Variants in LSAMP observed in about 807,000 individuals in gnomAD.
LSAMP encodes limbic system-associated membrane protein.
LSAMP carries 7 observed loss-of-function variants against 38.6 expected under a neutral mutation model. The observed-to-expected ratio is 0.18, with a 90% CI of 0.10 to 0.34. The LOEUF (loss-of-function observed/expected upper bound fraction) is 0.34, where lower values mean the gene tolerates loss of function less well. Ranked by LOEUF, LSAMP falls within the 10% of genes least tolerant of loss-of-function variation. The pLI, the probability that LSAMP is intolerant of heterozygous loss-of-function variation, is 1.00. For missense variants in LSAMP, 313 were observed against 420.0 expected (o/e 0.75, Z 2.23); for synonymous variants, 154 against 166.8 (o/e 0.92, Z 0.59).
At chr3:115,827,350 T>C (rs979790533) in intron 6 of LSAMP, among the ~76,000 whole-genome samples, 1 of 151,934 alleles carries the variant, frequency 6.6e-6, no homozygotes, top group Non-Finnish European at 1.5e-5. Context: ...TTTTTTTTTT[T>C]TTCTACAGGA....
At chr3:116,293,605 A>C (rs758245853) in intron 1 of LSAMP, among the ~76,000 whole-genome samples, 1 of 152,172 alleles carries the variant, frequency 6.6e-6, no homozygotes, top group Non-Finnish European at 1.5e-5. Context: ...TTGAGTTAGG[A>C]AAATGAGGGC....
chr3:116,049,122 C>T (rs913963065), intron 2 of LSAMP, among the ~76,000 whole-genome samples: 13 of 152,150 alleles, frequency 8.5e-5, no homozygotes, highest in Admixed American at 2.0e-4. Flanking sequence ...AAATGCTCAA[C>T]CAGAGCTTGA....
At chr3:116,005,747 G>A (rs1940139401) in intron 3 of LSAMP, among the ~76,000 whole-genome samples, 1 of 152,164 alleles carries the variant, frequency 6.6e-6, no homozygotes, top group African/African-American at 2.4e-5. Context: ...TTTCAGGCTG[G>A]CCTTGGTATG....
At chr3:116,292,327 C>T (rs904880813) in intron 1 of LSAMP, among the ~76,000 whole-genome samples, 1 of 152,130 alleles carries the variant, frequency 6.6e-6, no homozygotes, top group Non-Finnish European at 1.5e-5. Flanking sequence ...TGATTCCAGC[C>T]ATAACTTCTC....
At chr3:115,858,964 T>G (rs1378778384) in intron 3 of LSAMP, among the ~76,000 whole-genome samples, 1 of 152,246 alleles carries the variant, frequency 6.6e-6, no homozygotes, top group Non-Finnish European at 1.5e-5. Context: ...TTCCTGTTTT[T>G]GCTTTCTTCC....
intron 1 of LSAMP, among the ~76,000 whole-genome samples, chr3:116,419,368 G>A (rs555129479): frequency 5.9e-5 from 9 of 152,164 alleles, no homozygotes; most frequent in East Asian, 3.9e-4. Context: ...ATCATTTACC[G>A]ATTTCATTTG....
At chr3:116,318,882 C>T (rs1056991071) in intron 1 of LSAMP, among the ~76,000 whole-genome samples, 4 of 151,908 alleles carry the variant, frequency 2.6e-5, no homozygotes, top group African/African-American at 4.8e-5. Flanking sequence ...GAACTCCCAA[C>T]CTCTATTCTA....
intron 6 of LSAMP, among the ~76,000 whole-genome samples, chr3:115,822,340 T>TTCTTTCTC (rs1460074697): frequency 6.7e-6 from 1 of 149,936 alleles, no homozygotes; most frequent in Non-Finnish European, 1.5e-5. Flanking sequence ...TCTTTCTTTC[T>TTCTTTCTC]TCTTTCTCTC....
intron 1 of LSAMP, among the ~76,000 whole-genome samples, chr3:116,136,490 G>A (rs1459021208): frequency 1.1e-4 from 17 of 152,144 alleles, no homozygotes; most frequent in Admixed American, 5.2e-4. Context: ...TTATTAATTC[G>A]CTTGTGTATT....
intron 3 of LSAMP, among the ~76,000 whole-genome samples, chr3:115,949,100 T>C (rs1938199506): frequency 6.6e-6 from 1 of 151,948 alleles, no homozygotes; most frequent in Non-Finnish European, 1.5e-5. Context: ...AAACCCTGTC[T>C]CTACAAAAAT....
At chr3:115,902,890 G>A (rs931802734) in intron 3 of LSAMP, among the ~76,000 whole-genome samples, 3 of 152,116 alleles carry the variant, frequency 2.0e-5, no homozygotes, top group African/African-American at 4.8e-5. Flanking sequence ...ATGAACTGTT[G>A]GTAGGAGTGT....
intron 1 of LSAMP, among the ~76,000 whole-genome samples, chr3:116,110,161 G>A (rs1020579243): frequency 2.0e-5 from 3 of 152,000 alleles, no homozygotes; most frequent in Non-Finnish European, 4.4e-5. Flanking sequence ...AAGCAGAGAA[G>A]GGGTAGAGAC....
intron 3 of LSAMP, among the ~76,000 whole-genome samples, chr3:115,866,818 CTTAA>C (rs1196554565): frequency 2.0e-5 from 3 of 151,996 alleles, no homozygotes; most frequent in Admixed American, 2.0e-4. Flanking sequence ...AACTTTAAAG[CTTAA>C]TTATTTTCCC....
rs1933681168 is a variant in LSAMP at position 115,808,133 on chromosome 3, C to CCTCA, written c.*2183_*2184insTGAG. 1 of 81,090 alleles carries CCTCA rather than the reference C, an allele frequency of 1.2e-5. No individual in the cohort carries two copies. The highest frequency in any genetic ancestry group is 1.2e-4 in the Admixed American group (1 of 8,184). The allele number at this position is 81,090 out of a possible 1,614,324, so 5.0% of individuals were successfully genotyped here. On this transcript the variant is annotated 3_prime_UTR_variant, in exon 7 of 7. Coordinates refer to ENST00000490035, the MANE Select transcript of LSAMP (RefSeq NM_002338.5). ...TCCTCCCTCCCTCCCTCCCTCCCTC[C>CCTCA]CTCCCTCCCTCCCTCCCCCCCTTCC...
At chr3:116,427,278 G>T (rs1358697779) in intron 1 of LSAMP, among the ~76,000 whole-genome samples, 1 of 151,130 alleles carries the variant, frequency 6.6e-6, no homozygotes, top group Non-Finnish European at 1.5e-5. Context: ...CCACCACCGC[G>T]CCCGGCTAAT....
At chr3:115,926,975 T>A (rs1937510769) in intron 3 of LSAMP, among the ~76,000 whole-genome samples, 1 of 152,236 alleles carries the variant, frequency 6.6e-6, no homozygotes, top group African/African-American at 2.4e-5. Context: ...CTTCGCTGCA[T>A]ATTCAGTGTT....
At chr3:116,307,348 T>A (rs562310520) in intron 1 of LSAMP, among the ~76,000 whole-genome samples, 81 of 152,164 alleles carry the variant, frequency 5.3e-4, no homozygotes, top group Non-Finnish European at 9.0e-4. Flanking sequence ...ATATTAAAAC[T>A]AATTTGCAAT....
intron 1 of LSAMP, among the ~76,000 whole-genome samples, chr3:116,399,799 C>A (rs1196734151): frequency 6.6e-6 from 1 of 152,180 alleles, no homozygotes; most frequent in East Asian, 1.9e-4. Flanking sequence ...ATTGTCAACT[C>A]TGACATCTCA....
At chr3:116,166,252 C>A (rs1389501190) in intron 1 of LSAMP, among the ~76,000 whole-genome samples, 1 of 152,240 alleles carries the variant, frequency 6.6e-6, no homozygotes, top group African/African-American at 2.4e-5. Context: ...CTAGCACTTG[C>A]CATGTGCCAG....
Sources: allele counts gnomAD v4.1 joint callset (sites outside exome capture counted in the v4.1 genomes callset), GRCh38; gene constraint gnomAD v4.1.1; transcripts MANE v1.5; gene names NCBI Gene and HGNC (gene_info 2026-07-23, HGNC 2026-07-21).